The following PDE4D variants were observed in gnomAD, a reference collection of about 807,000 sequenced individuals.
PDE4D encodes 3',5'-cyclic-AMP phosphodiesterase 4D.
PDE4D carries 24 observed loss-of-function variants against 87.4 expected under a neutral mutation model. The observed-to-expected ratio is 0.27, with a 90% CI of 0.20 to 0.39. The LOEUF is 0.39. Among genes scored for constraint, PDE4D ranks in the 10% least tolerant of loss-of-function variants. The pLI, the probability that PDE4D is intolerant of heterozygous loss-of-function variation, is 1.00. For synonymous variants in PDE4D, 384 were observed against 383.2 expected (o/e 1.00, Z -0.02); for missense variants, 714 against 1,041.0 (o/e 0.69, Z 4.32).
intron 1 of PDE4D, among the ~76,000 whole-genome samples, chr5:59,232,553 G>C (rs1490795371): frequency 6.7e-6 from 1 of 148,386 alleles, no homozygotes; most frequent in African/African-American, 2.5e-5. Context: ...GTGGAGAAAA[G>C]GGAATTCTTA....
intron 1 of PDE4D, among the ~76,000 whole-genome samples, chr5:59,844,839 C>A (rs548987495): frequency 6.6e-6 from 1 of 152,012 alleles, no homozygotes; most frequent in African/African-American, 2.4e-5. Flanking sequence ...TTTGAGTTAA[C>A]CAAAAATGGC....
intron 1 of PDE4D, among the ~76,000 whole-genome samples, chr5:59,295,838 G>GA (rs762948605): frequency 2.4e-3 from 299 of 122,362 alleles, no homozygotes; most frequent in Middle Eastern, 8.3e-3. Context: ...CTAAGTGTAA[G>GA]AAAAAAAAAA....
In PDE4D at chr5:59,315,301, C is replaced by G. The variant is rs188971872; in HGVS notation, c.456-99333G>C. On this transcript the variant is annotated intron_variant, in intron 1 of 14. Transcript: ENST00000340635. ...AAAACATACACCTGTTTCCCCTGGA[C>G]CTGGCTGGACACCAATTCTACCTAC... Among the ~76,000 whole-genome samples the G allele has an allele frequency of 4.6e-5, 7 of 152,244 alleles. No individual in the cohort carries two copies. The East Asian group carries it at 1.4e-3, about 29-fold the overall frequency.
chr5:60,129,366 G>C (rs1194705872), intron 2 of PDE4D, among the ~76,000 whole-genome samples: 1 of 152,182 alleles, frequency 6.6e-6, no homozygotes, highest in African/African-American at 2.4e-5. Context: ...TACAGGTAGA[G>C]AGAAGAGGCA....
intron 1 of PDE4D, among the ~76,000 whole-genome samples, chr5:59,888,681 T>C (rs755070376): frequency 6.6e-5 from 10 of 152,150 alleles, no homozygotes; most frequent in Admixed American, 1.3e-4. Flanking sequence ...AATTCACTGA[T>C]GTAGACAATC....
At chr5:60,000,137 G>A (rs542041642) in intron 2 of PDE4D, among the ~76,000 whole-genome samples, 2 of 151,978 alleles carry the variant, frequency 1.3e-5, no homozygotes, top group Non-Finnish European at 2.9e-5. Context: ...ATCTGAGAAG[G>A]AGATGATAGA....
intron 5 of PDE4D, among the ~76,000 whole-genome samples, chr5:59,108,275 A>AT (rs1405959028): frequency 2.6e-5 from 4 of 152,184 alleles, no homozygotes; most frequent in Non-Finnish European, 5.9e-5. Context: ...GAATTTTATT[A>AT]TTTTGTATCC....
intron 1 of PDE4D, among the ~76,000 whole-genome samples, chr5:59,607,122 CT>C (rs1201502612): frequency 6.6e-6 from 1 of 152,094 alleles, no homozygotes; most frequent in Non-Finnish European, 1.5e-5. Flanking sequence ...TAGAATTAGG[CT>C]GTAATTTGAT....
intron 1 of PDE4D, among the ~76,000 whole-genome samples, chr5:59,451,294 T>C (rs1799116814): frequency 6.6e-6 from 1 of 152,216 alleles, no homozygotes; most frequent in African/African-American, 2.4e-5. Context: ...TTGGCAGTTC[T>C]TAGGCTTGAG....
intron 1 of PDE4D, among the ~76,000 whole-genome samples, chr5:60,429,214 C>A (rs1326775225): frequency 6.6e-6 from 1 of 152,166 alleles, no homozygotes; most frequent in Admixed American, 6.5e-5. Flanking sequence ...TTGGAGAGCT[C>A]TTTCACTTCA....
chr5:59,875,827 G>T (rs1217673948), intron 1 of PDE4D, among the ~76,000 whole-genome samples: 1 of 152,104 alleles, frequency 6.6e-6, no homozygotes, highest in Non-Finnish European at 1.5e-5. Flanking sequence ...AATGGAGCTG[G>T]AGGCCATTAT....
intron 5 of PDE4D, among the ~76,000 whole-genome samples, chr5:59,153,562 T>C (rs1779742158): frequency 6.6e-6 from 1 of 152,204 alleles, no homozygotes; most frequent in Non-Finnish European, 1.5e-5. Context: ...TTTCTACTGT[T>C]CCATGTTTTG....
At chr5:60,213,175 G>A (rs114439602) in intron 1 of PDE4D, among the ~76,000 whole-genome samples, 2,193 of 152,276 alleles carry the variant, frequency 0.014, 69 homozygotes, top group African/African-American at 0.049. Flanking sequence ...ACTACTTTGC[G>A]ATAAGAGTTT....
chr5:59,470,396 T>A (rs899481342), intron 1 of PDE4D, among the ~76,000 whole-genome samples: 1 of 152,212 alleles, frequency 6.6e-6, no homozygotes, highest in Non-Finnish European at 1.5e-5. Flanking sequence ...GTTAATAAGA[T>A]AACATTCTGT....
At chr5:59,401,878 C>G (rs1790712559) in intron 1 of PDE4D, among the ~76,000 whole-genome samples, 1 of 152,130 alleles carries the variant, frequency 6.6e-6, no homozygotes. Context: ...GCCTGGCAGT[C>G]CTAAGCTGAA....
chr5:59,705,843 G>A (rs1454579330), intron 1 of PDE4D, among the ~76,000 whole-genome samples: 1 of 152,084 alleles, frequency 6.6e-6, no homozygotes, highest in African/African-American at 2.4e-5. Context: ...TTATCCTCTT[G>A]TAGGATCAAC....
intron 2 of PDE4D, among the ~76,000 whole-genome samples, chr5:60,088,227 C>G (rs533401299): frequency 1.3e-5 from 2 of 151,312 alleles, no homozygotes; most frequent in Admixed American, 1.3e-4. Flanking sequence ...ATTTACAACA[C>G]GACACTTCGC....
chr5:60,425,343 C>T (rs1049426180), intron 1 of PDE4D, among the ~76,000 whole-genome samples: 2 of 152,148 alleles, frequency 1.3e-5, no homozygotes, highest in South Asian at 2.1e-4. Flanking sequence ...GAGATATAGA[C>T]CAAGAAATAG....
At chr5:60,332,417 C>T (rs568441235) in intron 1 of PDE4D, among the ~76,000 whole-genome samples, 73 of 152,268 alleles carry the variant, frequency 4.8e-4, no homozygotes, top group African/African-American at 1.7e-3. Context: ...GCAGCTACCA[C>T]TAATAAGTGA....
Sources: gnomAD v4.1 joint callset for allele counts (sites outside exome capture counted in the v4.1 genomes callset) on GRCh38, gnomAD v4.1.1 for gene constraint, MANE v1.5 for transcripts, NCBI Gene and HGNC (gene_info 2026-07-23, HGNC 2026-07-21) for gene names.